Variants in SNAP25 observed in about 807,000 individuals in gnomAD.
The protein encoded by SNAP25 is synaptosome associated protein 25.
SNAP25 carries 3 observed loss-of-function variants against 28.7 expected under a neutral mutation model. The observed-to-expected ratio is 0.10, with a 90% confidence interval of 0.05 to 0.27. SNAP25 has a LOEUF of 0.27. Among genes scored for constraint, SNAP25 ranks in the 10% least tolerant of loss-of-function variants. SNAP25 has a pLI of 1.00. For missense variants in SNAP25, 117 were observed against 278.7 expected, an observed-to-expected ratio of 0.42 and a Z score of 4.13; for synonymous variants, 61 against 88.1, an observed-to-expected ratio of 0.69 and a Z score of 1.72.
At chr20:10,267,651 C>A (rs867481837) in intron 1 of SNAP25, among the ~76,000 whole-genome samples, 1 of 152,094 alleles carries the variant, frequency 6.6e-6, no homozygotes, top group African/African-American at 2.4e-5. Context: ...CTCCCAGGTA[C>A]GAGGTTTCTC....
At chr20:10,259,862 G>A (rs750129823) in intron 1 of SNAP25, among the ~76,000 whole-genome samples, 5 of 152,168 alleles carry the variant, frequency 3.3e-5, no homozygotes, top group African/African-American at 4.8e-5. Flanking sequence ...GAAGTGACCT[G>A]GGTTTGTGTC....
intron 1 of SNAP25, among the ~76,000 whole-genome samples, chr20:10,234,034 A>G (rs1048134969): frequency 6.6e-6 from 1 of 152,206 alleles, no homozygotes; most frequent in Non-Finnish European, 1.5e-5. Context: ...CCTTTTGGAT[A>G]TGACAGGCTG....
chr20:10,293,263 T>A lies in SNAP25; in HGVS notation c.266T>A (p.Val89Glu). ...CTAGGAAAATTCTGCGGGCTTTGTG[T>A]GTGTCCCTGTAACAAGTAGGTGCTG... is the stretch of plus-strand genomic sequence containing the variant. ...TDLGKFCGLCVCPCNKLKSSD... is the reference protein window; with the variant it reads ...TDLGKFCGLCECPCNKLKSSD... The change falls in exon 5 of 8, where the codon GTG becomes GAG. Residue 89 changes from valine to glutamate, a missense_variant. Physicochemically the swap from Val to Glu is moderately radical, Grantham distance 121. Coordinates refer to ENST00000254976, the MANE Select transcript of SNAP25 (RefSeq NM_130811.4). The surrounding 1 kb of genome is among the most constrained non-coding windows in gnomAD (Gnocchi z 5.6). The A allele has an allele frequency of 6.2e-7, 1 of 1,613,886 alleles. No homozygotes were observed. The highest frequency in any genetic ancestry group is 8.5e-7 in the Non-Finnish European group (1 of 1,179,820).
chr20:10,234,916 A>G (rs1272547771), intron 1 of SNAP25, among the ~76,000 whole-genome samples: 1 of 152,224 alleles, frequency 6.6e-6, no homozygotes, highest in Non-Finnish European at 1.5e-5. Context: ...AATAGGGATT[A>G]GCTGGGCATG....
At chr20:10,262,404 T>C (rs1213995075) in intron 1 of SNAP25, among the ~76,000 whole-genome samples, 1 of 152,130 alleles carries the variant, frequency 6.6e-6, no homozygotes, top group East Asian at 1.9e-4. Context: ...CTGTGACAAA[T>C]GACACCCAGT....
Position 10,307,354 on chromosome 20 carries a change from T to A in SNAP25, c.*1157T>A, listed in dbSNP as rs879568052. The A allele has an allele frequency of 1.3e-5, 2 of 152,778 alleles. No homozygotes were observed. Among genetic ancestry groups the A allele is most frequent in the Non-Finnish European group, 2.9e-5 (2 of 68,024 alleles). 9.5% of individuals were successfully genotyped at this position (152,778 alleles called of 1,614,324 possible). On this transcript the variant is annotated 3_prime_UTR_variant, in exon 8 of 8. Transcript: ENST00000254976. ...AATATTAAATTCCTCCTGTCTCCTC[T>A]GTCAGTTTGTGAAGTGATTGACATT... is the stretch of plus-strand genomic sequence containing the variant.
At chr20:10,252,731 C>G (rs2063252876) in intron 1 of SNAP25, among the ~76,000 whole-genome samples, 1 of 150,612 alleles carries the variant, frequency 6.6e-6, no homozygotes, top group Non-Finnish European at 1.5e-5. Context: ...GAAAATGTTC[C>G]AATATGATAT....
At chr20:10,235,418 T>C (rs987816351) in intron 1 of SNAP25, among the ~76,000 whole-genome samples, 2 of 152,200 alleles carry the variant, frequency 1.3e-5, no homozygotes, top group Admixed American at 1.3e-4. Context: ...AATTTCAAAG[T>C]GGTAATGAGA....
chr20:10,307,405 A>C lies in SNAP25; in HGVS notation c.*1208A>C, dbSNP rs2064387036. Reference sequence around the variant, plus strand: ...TTGTAGCTAGTTTAAAATTATTAAAAATTATAGACTCCAGATGATCTGCTT... The same window carrying C: ...TTGTAGCTAGTTTAAAATTATTAAACATTATAGACTCCAGATGATCTGCTT... On this transcript the variant is annotated 3_prime_UTR_variant, in exon 8 of 8. Transcript: ENST00000254976. The C allele has an allele frequency of 6.6e-6, 1 of 152,610 alleles. No homozygotes were observed. Among genetic ancestry groups the C allele is most frequent in the African/African-American group, 2.4e-5 (1 of 41,442 alleles). The allele number at this position is 152,610 out of a possible 1,614,324, so 9.5% of individuals were successfully genotyped here. A position where few individuals can be genotyped will look rare whatever the true frequency, so the allele number is the denominator to read the frequency against.
chr20:10,272,354 C>T (rs896499871), intron 1 of SNAP25, among the ~76,000 whole-genome samples: 2 of 152,280 alleles, frequency 1.3e-5, no homozygotes, highest in African/African-American at 2.4e-5. Context: ...AGCTTCTGAG[C>T]GCCAGAGCCA....
chr20:10,243,961 C>G (rs2063081448), intron 1 of SNAP25, among the ~76,000 whole-genome samples: 1 of 152,142 alleles, frequency 6.6e-6, no homozygotes, highest in Non-Finnish European at 1.5e-5. Flanking sequence ...TGCAAACTTT[C>G]TCAAATGATC....
intron 2 of SNAP25, 26 bp from the exon 3 acceptor site, chr20:10,277,659 A>ATGTT: frequency 2.5e-6 from 4 of 1,607,860 alleles, no homozygotes; most frequent in Non-Finnish European, 2.6e-6. Flanking sequence ...CATAAAGTTT[A>ATGTT]TGTTTGTTTG....
intron 5 of SNAP25, among the ~76,000 whole-genome samples, chr20:10,295,470 G>A (rs558267125): frequency 2.0e-5 from 3 of 152,236 alleles, no homozygotes; most frequent in Admixed American, 6.5e-5. Context: ...TTCATTGAAT[G>A]GGTCCATGGC....
intron 3 of SNAP25, among the ~76,000 whole-genome samples, chr20:10,278,504 A>T (rs192701227): frequency 1.3e-5 from 2 of 152,318 alleles, no homozygotes; most frequent in African/African-American, 4.8e-5. Flanking sequence ...GATGAAGTGG[A>T]AAAAGAATGG....
intron 1 of SNAP25, among the ~76,000 whole-genome samples, chr20:10,250,147 G>A (rs1041394000): frequency 1.4e-4 from 22 of 152,236 alleles, no homozygotes; most frequent in Admixed American, 9.2e-4. Flanking sequence ...CTCTGTTTCC[G>A]TCATTCCCTT....
Position 10,275,462 on chromosome 20 carries a change from C to G in SNAP25, c.-30C>G, listed in dbSNP as rs1447658257. ...CCAAACCCGTCACTGACCCCCCAGC[C>G]CAGGCGCCCAGCCACTCCCCACCGC... On this transcript the variant is annotated 5_prime_UTR_variant, in exon 2 of 8. Transcript: ENST00000254976. 6 of 1,582,188 alleles carry G rather than the reference C, an allele frequency of 3.8e-6. No homozygotes were observed. Among genetic ancestry groups the G allele is most frequent in the Non-Finnish European group, 5.2e-6 (6 of 1,163,324 alleles).
intron 1 of SNAP25, among the ~76,000 whole-genome samples, chr20:10,253,488 A>G (rs1196228451): frequency 1.3e-5 from 2 of 152,194 alleles, no homozygotes; most frequent in Non-Finnish European, 2.9e-5. Flanking sequence ...AGGCACCCAC[A>G]TCACATAGAG....
chr20:10,279,896 A>G (rs2063751071), intron 3 of SNAP25, among the ~76,000 whole-genome samples: 2 of 152,156 alleles, frequency 1.3e-5, no homozygotes, highest in South Asian at 4.1e-4. Context: ...GTTATTTTCT[A>G]TTTATGGTCA....
intron 7 of SNAP25, among the ~76,000 whole-genome samples, chr20:10,303,357 G>A (rs1435300801): frequency 3.3e-5 from 5 of 152,134 alleles, no homozygotes; most frequent in African/African-American, 1.2e-4. Flanking sequence ...GATTTTAAAA[G>A]ACAAGTGTCA....
Sources: gnomAD v4.1 joint callset for allele counts (sites outside exome capture counted in the v4.1 genomes callset) on GRCh38, gnomAD v4.1.1 for gene constraint, Gnocchi (gnomAD v3.1) non-coding constraint, MANE v1.5 for transcripts, NCBI Gene and HGNC (gene_info 2026-07-23, HGNC 2026-07-21) for gene names.